SPAG16: variants seen among roughly 807,000 people sequenced by gnomAD.
The protein encoded by SPAG16 is sperm associated antigen 16.
Under a neutral mutation model 80.4 loss-of-function variants are expected in SPAG16, and 86 were observed. That is an observed-to-expected ratio of 1.07 (90% CI 0.90 to 1.28). SPAG16 has a LOEUF of 1.28. Among genes scored for constraint, SPAG16 ranks in the 50% most tolerant of loss-of-function variants. SPAG16 has a pLI of 0.00. For synonymous variants in SPAG16, 294 were observed against 265.9 expected (o/e 1.11, Z -1.03); for missense variants, 870 against 765.3 (o/e 1.14, Z -1.61).
chr2:213,930,310 T>C (rs1267896126), intron 12 of SPAG16, among the ~76,000 whole-genome samples, 165 bp downstream of exon 12: 1 of 152,122 alleles, frequency 6.6e-6, no homozygotes, highest in Non-Finnish European at 1.5e-5. Context: ...CTTTGTGAAA[T>C]CCATTTCTAA....
At chr2:214,409,264 C>T (rs1476095108) in intron 15 of SPAG16, among the ~76,000 whole-genome samples, 1 of 151,792 alleles carries the variant, frequency 6.6e-6, no homozygotes, top group Non-Finnish European at 1.5e-5. Context: ...CAATAATATG[C>T]CTTCTAAGTA....
chr2:214,038,768 C>T (rs1211394567), intron 13 of SPAG16, among the ~76,000 whole-genome samples: 3 of 151,244 alleles, frequency 2.0e-5, no homozygotes, highest in Non-Finnish European at 4.4e-5. Context: ...GTTCAATTCC[C>T]ACCTATGAGT....
chr2:214,319,200 C>CACCACACACACACACACACACA (rs140486125), intron 15 of SPAG16, among the ~76,000 whole-genome samples: 15 of 142,242 alleles, frequency 1.1e-4, no homozygotes, highest in South Asian at 4.6e-4. Flanking sequence ...CACACACACA[C>CACCACACACACACACACACACA]CACACACACA....
intron 15 of SPAG16, among the ~76,000 whole-genome samples, chr2:214,253,870 T>C (rs993299721): frequency 6.6e-6 from 1 of 152,104 alleles, no homozygotes; most frequent in Non-Finnish European, 1.5e-5. Flanking sequence ...GGGGATAGCA[T>C]TGAATCTATA....
At chr2:213,592,178 A>G (rs1482828890) in intron 10 of SPAG16, among the ~76,000 whole-genome samples, 1 of 152,224 alleles carries the variant, frequency 6.6e-6, no homozygotes, top group African/African-American at 2.4e-5. Context: ...TACCAGCAGA[A>G]CTATAACAGA....
intron 15 of SPAG16, among the ~76,000 whole-genome samples, chr2:214,351,531 T>C (rs12694325): frequency 0.7 from 106,517 of 151,220 alleles, 41,017 homozygotes; most frequent in South Asian, 0.87. Context: ...GAAACCCCGT[T>C]TCTACTAAAA....
chr2:213,510,644 C>T (rs1330704640), intron 10 of SPAG16, among the ~76,000 whole-genome samples: 1 of 152,176 alleles, frequency 6.6e-6, no homozygotes, highest in African/African-American at 2.4e-5. Context: ...ACTGCCTACA[C>T]TATCACTTGT....
chr2:213,403,324 C>CTA lies in SPAG16; in HGVS notation c.942+28206_942+28207dup, dbSNP rs1162714525. On this transcript the variant is annotated intron_variant, in intron 9 of 15. Transcript: ENST00000331683. The stretch of plus-strand genomic sequence containing the variant: ...TTGAGTTCATTGTAGATTCTGGATA[C>CTA]TAGCCCTTTGTCAGATGAGTAGGTT... Among the ~76,000 whole-genome samples, 45 of 152,100 alleles carry CTA rather than the reference C, an allele frequency of 3.0e-4. No individual in the cohort carries two copies. The South Asian group carries it at 5.6e-3, about 19-fold the overall frequency.
rs557685979 is a variant in SPAG16 at position 214,375,020 on chromosome 2, ATTTG to A, written c.1721-35114_1721-35111del. ...AAAATACCCTTAAGATAAGCATGGT[ATTTG>A]TTTGTCAGTAAAAGTTTGAATTTGG... On this transcript the variant is annotated intron_variant, in intron 15 of 15. Transcript: ENST00000331683. Among the ~76,000 whole-genome samples, 21 of 152,262 alleles carry A rather than the reference ATTTG, an allele frequency of 1.4e-4. No homozygotes were observed. In the East Asian group the frequency reaches 3.9e-3, roughly 28 times the overall value.
intron 10 of SPAG16, among the ~76,000 whole-genome samples, chr2:213,728,921 A>AAAAAAAAAAAAAAAAC (rs2066905567): frequency 7.5e-6 from 1 of 133,072 alleles, no homozygotes; most frequent in Non-Finnish European, 1.6e-5. Flanking sequence ...AAAAAAAAAA[A>AAAAAAAAAAAAAAAAC]GATGATGGAA....
intron 4 of SPAG16, among the ~76,000 whole-genome samples, chr2:213,310,446 A>T (rs995299873): frequency 1.3e-5 from 2 of 151,952 alleles, no homozygotes; most frequent in African/African-American, 4.8e-5. Flanking sequence ...AGTAATTTTT[A>T]AAAAATCAAG....
intron 1 of SPAG16, among the ~76,000 whole-genome samples, chr2:213,292,337 T>C (rs1575092554): frequency 6.6e-6 from 1 of 152,200 alleles, no homozygotes; most frequent in Non-Finnish European, 1.5e-5. Flanking sequence ...TGACTTCCTC[T>C]AGCTGAACCT....
intron 10 of SPAG16, among the ~76,000 whole-genome samples, chr2:213,695,218 G>A (rs2065108630): frequency 6.6e-6 from 1 of 151,984 alleles, no homozygotes; most frequent in South Asian, 2.1e-4. Context: ...TTCTACTCAA[G>A]CTCCGACTGC....
intron 10 of SPAG16, among the ~76,000 whole-genome samples, chr2:213,828,545 G>A (rs2073434259): frequency 6.6e-6 from 1 of 152,156 alleles, no homozygotes; most frequent in Middle Eastern, 3.2e-3. Flanking sequence ...TTCCTTTGGT[G>A]AGGTTATGTT....
At chr2:213,313,566 CT>C (rs2063288658) in intron 4 of SPAG16, among the ~76,000 whole-genome samples, 1 of 151,776 alleles carries the variant, frequency 6.6e-6, no homozygotes, top group Non-Finnish European at 1.5e-5. Context: ...CTAGGACATA[CT>C]GATCTTAAAG....
At chr2:213,476,141 C>T (rs1232100680) in intron 9 of SPAG16, among the ~76,000 whole-genome samples, 2 of 152,222 alleles carry the variant, frequency 1.3e-5, no homozygotes, top group African/African-American at 4.8e-5. Context: ...CTAATATTAT[C>T]TTTTTGGCTT....
chr2:213,503,704 A>G (rs1181072292), intron 10 of SPAG16, among the ~76,000 whole-genome samples: 1 of 152,236 alleles, frequency 6.6e-6, no homozygotes, highest in Non-Finnish European at 1.5e-5. Flanking sequence ...TTAAACAAGA[A>G]CAATTTTGTG....
intron 15 of SPAG16, among the ~76,000 whole-genome samples, chr2:214,242,412 A>T (rs1337157413): frequency 6.6e-6 from 1 of 152,126 alleles, no homozygotes; most frequent in African/African-American, 2.4e-5. Flanking sequence ...ACAAATTCTG[A>T]TTCACCCGTG....
intron 15 of SPAG16, chr2:214,281,100 G>T: frequency 2.6e-6 from 1 of 390,364 alleles, no homozygotes; most frequent in South Asian, 2.2e-5. Flanking sequence ...CCTCCACTTG[G>T]CCTTCATAGA....
Sources: allele counts gnomAD v4.1 joint callset (sites outside exome capture counted in the v4.1 genomes callset), GRCh38; gene constraint gnomAD v4.1.1; transcripts MANE v1.5; gene names NCBI Gene and HGNC (gene_info 2026-07-23, HGNC 2026-07-21).